Variants in FAM83E observed in about 807,000 individuals in gnomAD.
The protein encoded by FAM83E is scaffolding CK1 anchoring protein E.
A neutral mutation model predicts 34.3 loss-of-function variants in FAM83E; 29 were observed. That is an observed-to-expected ratio of 0.85 (90% CI 0.63 to 1.15). The LOEUF is 1.15. Ranked by LOEUF, FAM83E falls within the 50% of genes most tolerant of loss-of-function variation. The pLI is 0.00. For synonymous variants in FAM83E, 312 were observed against 311.6 expected (o/e 1.00, Z -0.01); for missense variants, 697 against 685.0 (o/e 1.02, Z -0.20).
chr19:48,604,587 C>G lies in FAM83E; in HGVS notation c.759-676G>C, dbSNP rs974988647. On this transcript the variant is annotated intron_variant, in intron 5 of 6. Transcript: ENST00000263266. ...CCTCAGGTGATCCACCCGCCTCGGC[C>G]TCCCAAAGTGCTGGGATTACAGGTG... 1.1e-3 allele frequency among the ~76,000 whole-genome samples: 160 copies of G among 150,730 alleles called. 1 individual carries two copies. The highest frequency in any genetic ancestry group is 3.6e-3 in the African/African-American group (148 of 41,238).
In FAM83E at chr19:48,614,548, C is replaced by T. The variant is rs1974110212; in HGVS notation, c.-1176G>A. On this transcript the variant is annotated 5_prime_UTR_variant, in exon 3 of 7. Coordinates refer to ENST00000263266, the MANE Select transcript of FAM83E (RefSeq NM_017708.4). Reference sequence around the variant, plus strand: ...GACCCAACCTCGGGGACCCTGGACCCTTGATCCCTGCAAACCAGAAGCCCT... The same window carrying T: ...GACCCAACCTCGGGGACCCTGGACCTTTGATCCCTGCAAACCAGAAGCCCT... 3.0e-6 allele frequency: 3 copies of T among 985,962 alleles called. No individual in the cohort carries two copies. The highest frequency in any genetic ancestry group is 3.6e-6 in the Non-Finnish European group (3 of 830,454). 61.1% of individuals were successfully genotyped at this position (985,962 alleles called of 1,614,324 possible).
chr19:48,611,553 G>A (rs769560252), intron 3 of FAM83E, among the ~76,000 whole-genome samples: 4 of 148,726 alleles, frequency 2.7e-5, no homozygotes, highest in East Asian at 2.0e-4. Flanking sequence ...CTGCAACTTC[G>A]GCCTCTGGGA....
intron 6 of FAM83E, among the ~76,000 whole-genome samples, chr19:48,601,721 C>T (rs893008897): frequency 4.7e-5 from 7 of 150,182 alleles, no homozygotes; most frequent in South Asian, 2.1e-4. Flanking sequence ...GCTGAGATAG[C>T]GCCACCGCAC....
chr19:48,614,926 GCTTT>G lies in FAM83E; in HGVS notation c.-1388+7_-1388+10del, dbSNP rs757205024. The G allele has an allele frequency of 1.5e-4, 56 of 367,056 alleles. No homozygotes were observed. Among genetic ancestry groups the G allele is most frequent in the Middle Eastern group, 1.4e-3 (1 of 736 alleles). The allele number at this position is 367,056 out of a possible 1,614,324, so 22.7% of individuals were successfully genotyped here. ...GGAGGTCCGGGGGTGCGGCTCACACGCTTTCTTTACCTGTGCTCTCCCAGGGGGT... is the reference window on the plus strand; with the variant it reads ...GGAGGTCCGGGGGTGCGGCTCACACGCTTTACCTGTGCTCTCCCAGGGGGT... On this transcript the variant is annotated splice_region_variant and intron_variant, in intron 1 of 6. Transcript: ENST00000263266.
chr19:48,610,543 C>T, intron 4 of FAM83E, 137 bp downstream of exon 4: 1 of 1,055,342 alleles, frequency 9.5e-7, no homozygotes, highest in Non-Finnish European at 1.3e-6. Flanking sequence ...CTCCCCAGTG[C>T]TGTGGGCATC....
chr19:48,603,570 G>C lies in FAM83E; in HGVS notation c.1100C>G (p.Pro367Arg). Reference protein sequence around the residue: ...VQRARTPSGPPARPSRSMWDL... With the variant: ...VQRARTPSGPRARPSRSMWDL... Reference sequence around the variant, plus strand: ...CCACATGGAGCGGCTGGGCCGGGCCGGGGGGCCGCTGGGGGTCCGGGCGCG... The same window carrying C: ...CCACATGGAGCGGCTGGGCCGGGCCCGGGGGCCGCTGGGGGTCCGGGCGCG... Residue 367 changes from proline (P) to arginine (R), a missense_variant, in exon 6 of 7, where the codon CCG (proline) becomes CGG (arginine). By Grantham distance (103) the Pro-to-Arg change is moderately radical. Transcript: ENST00000263266. 2 of 1,551,722 alleles carry C rather than the reference G, an allele frequency of 1.3e-6. No homozygotes were observed. The highest frequency in any genetic ancestry group is 1.2e-5 in the South Asian group (1 of 86,870).
chr19:48,612,331 C>A (rs887601227), intron 3 of FAM83E, among the ~76,000 whole-genome samples: 1 of 150,988 alleles, frequency 6.6e-6, no homozygotes, highest in Non-Finnish European at 1.5e-5. Flanking sequence ...CTGGGGGTGT[C>A]ATAATTAGGT....
chr19:48,606,670 C>G (rs560324967), intron 5 of FAM83E: 5 of 369,788 alleles, frequency 1.4e-5, no homozygotes, highest in Non-Finnish European at 2.5e-5. Context: ...GATTGTGACA[C>G]CCACTCCTCT....
intron 2 of FAM83E, 35 bp downstream of exon 2, chr19:48,614,673 C>G (rs181090374): frequency 2.4e-4 from 238 of 985,206 alleles, no homozygotes; most frequent in Middle Eastern, 1.6e-3. Flanking sequence ...CTCCCCGCCC[C>G]ACCCTCACCC....
chr19:48,614,148 T>TG lies in FAM83E; in HGVS notation c.-777_-776insC. The stretch of plus-strand genomic sequence containing the variant: ...GCCGAAGGCTTGGCAAACCCTTCCC[T>TG]ACCCTGTCAATGGGGGACCCTGCTC... On this transcript the variant is annotated 5_prime_UTR_variant, in exon 3 of 7. Transcript: ENST00000263266. The TG allele has an allele frequency of 1.0e-6, 1 of 985,856 alleles. No individual in the cohort carries two copies. The highest frequency in any genetic ancestry group is 1.2e-6 in the Non-Finnish European group (1 of 830,264). The allele number at this position is 985,856 out of a possible 1,614,324, so 61.1% of individuals were successfully genotyped here. A position where few individuals can be genotyped will look rare whatever the true frequency, so the allele number is the denominator to read the frequency against.
intron 4 of FAM83E, 124 bp from the exon 5 acceptor site, chr19:48,610,124 C>T (rs1211694870): frequency 7.8e-7 from 1 of 1,274,276 alleles, no homozygotes. Flanking sequence ...CAAGGCCAGG[C>T]GTGGTGGCTC....
At chr19:48,605,385 C>A (rs34995875) in intron 5 of FAM83E, among the ~76,000 whole-genome samples, 12,612 of 152,062 alleles carry the variant, frequency 0.083, 743 homozygotes, top group Admixed American at 0.18. Flanking sequence ...CCAGCCTGGG[C>A]AACATAGCAA....
rs530021174 is a variant in FAM83E, at chr19:48,614,926, G to A, written c.-1388+11C>T. 4.1e-5 allele frequency: 15 copies of A among 367,054 alleles called. 1 individual carries two copies. Among genetic ancestry groups the A allele is most frequent in the South Asian group, 3.3e-4 (3 of 9,176 alleles). 22.7% of individuals were successfully genotyped at this position (367,054 alleles called of 1,614,324 possible). ...GGAGGTCCGGGGGTGCGGCTCACACGCTTTCTTTACCTGTGCTCTCCCAGG... is the reference window on the plus strand; with the variant it reads ...GGAGGTCCGGGGGTGCGGCTCACACACTTTCTTTACCTGTGCTCTCCCAGG... On this transcript the variant is annotated intron_variant, in intron 1 of 6. Coordinates refer to ENST00000263266, the MANE Select transcript of FAM83E (RefSeq NM_017708.4).
intron 5 of FAM83E, among the ~76,000 whole-genome samples, chr19:48,609,265 CTTTTTTTT>C (rs869031073): frequency 4.0e-5 from 4 of 99,692 alleles, no homozygotes; most frequent in Non-Finnish European, 7.5e-5. Flanking sequence ...TTCTTTCTTT[CTTTTTTTT>C]TTTTTTTTTT....
At chr19:48,609,589 C>G (rs1181844359) in intron 5 of FAM83E, among the ~76,000 whole-genome samples, 1 of 152,128 alleles carries the variant, frequency 6.6e-6, no homozygotes, top group Non-Finnish European at 1.5e-5. Flanking sequence ...GATCCCAATC[C>G]AGGTGCTCCT....
intron 3 of FAM83E, among the ~76,000 whole-genome samples, chr19:48,612,108 C>T (rs1367820574): frequency 2.6e-5 from 4 of 152,200 alleles, no homozygotes; most frequent in Non-Finnish European, 5.9e-5. Flanking sequence ...CCCGTGCCTC[C>T]GTGGGCACAA....
At position 48,614,917 on chromosome 19, in the gene FAM83E, G is replaced by T; in HGVS notation, c.-1388+20C>A. ...GCCCCTGGAGGAGGTCCGGGGGTGC[G>T]GCTCACACGCTTTCTTTACCTGTGC... On this transcript the variant is annotated intron_variant, in intron 1 of 6. Coordinates refer to ENST00000263266, the MANE Select transcript of FAM83E (RefSeq NM_017708.4). 2.4e-6 allele frequency: 1 copy of T among 421,422 alleles called. No individual in the cohort carries two copies. Among genetic ancestry groups the T allele is most frequent in the Non-Finnish European group, 3.2e-6 (1 of 314,128 alleles). The allele number at this position is 421,422 out of a possible 1,614,324, so 26.1% of individuals were successfully genotyped here. A position where few individuals can be genotyped will look rare whatever the true frequency, so the allele number is the denominator to read the frequency against.
At chr19:48,604,518 G>A (rs1973890739) in intron 5 of FAM83E, among the ~76,000 whole-genome samples, 1 of 150,698 alleles carries the variant, frequency 6.6e-6, no homozygotes, top group Non-Finnish European at 1.5e-5. Context: ...TTTTAGTAGA[G>A]ATGGGGTTTC....
rs10411587 is a variant in FAM83E, at chr19:48,602,704, A to T, written c.1176+790T>A. Among the ~76,000 whole-genome samples, 155 of 27,378 alleles carry T rather than the reference A, an allele frequency of 5.7e-3. 1 individual carries two copies. Among genetic ancestry groups the T allele is most frequent in the Middle Eastern group, 0.016 (1 of 64 alleles). The allele number at this position is 27,378 out of a possible 152,430, so 18.0% of individuals were successfully genotyped here. On this transcript the variant is annotated intron_variant, in intron 6 of 6. Coordinates refer to ENST00000263266, the MANE Select transcript of FAM83E (RefSeq NM_017708.4). ...CCTATCTCAAAAAAAAAAAAAAAAA[A>T]ATATATATATATATATATATATATA...
Sources: gnomAD v4.1 joint callset for allele counts (sites outside exome capture counted in the v4.1 genomes callset) on GRCh38, gnomAD v4.1.1 for gene constraint, MANE v1.5 for transcripts, NCBI Gene and HGNC (gene_info 2026-07-23, HGNC 2026-07-21) for gene names.